Variants in CLVS1 observed in about 807,000 individuals in gnomAD.
CLVS1 encodes clavesin-1.
A neutral mutation model predicts 33.1 loss-of-function variants in CLVS1; 10 were observed. The ratio of observed to expected loss-of-function variants is 0.30; its 90% confidence interval spans 0.19 to 0.51. The LOEUF is 0.51. CLVS1 is among the 20% of genes least tolerant of loss of function. The pLI, the probability that CLVS1 is intolerant of heterozygous loss-of-function variation, is 0.97. For missense variants in CLVS1, 343 were observed against 433.4 expected (o/e 0.79, Z 1.85); for synonymous variants, 163 against 166.1 (o/e 0.98, Z 0.14).
intron 2 of CLVS1, among the ~76,000 whole-genome samples, chr8:61,323,565 C>T (rs968346552): frequency 5.9e-5 from 9 of 152,118 alleles, no homozygotes; most frequent in African/African-American, 1.7e-4. Context: ...CCTCAATTTT[C>T]GGTGTCAAGC....
chr8:61,381,176 G>A (rs1813863979), intron 3 of CLVS1, among the ~76,000 whole-genome samples: 1 of 150,686 alleles, frequency 6.6e-6, no homozygotes, highest in Admixed American at 6.6e-5. Context: ...TTCTGTTAAA[G>A]ATGTTTTTTA....
chr8:61,080,955 G>T (rs142383813), intron 1 of CLVS1, among the ~76,000 whole-genome samples: 33 of 152,296 alleles, frequency 2.2e-4, no homozygotes, highest in African/African-American at 7.9e-4. Context: ...AGCATTTTGG[G>T]TGGCGGAACT....
chr8:61,247,738 G>C (rs1467085800), intron 2 of CLVS1, among the ~76,000 whole-genome samples: 1 of 151,994 alleles, frequency 6.6e-6, no homozygotes, highest in South Asian at 2.1e-4. Flanking sequence ...CTCCCATTCT[G>C]TAGACTGTCT....
At chr8:61,178,033 A>G (rs533799430) in intron 2 of CLVS1, among the ~76,000 whole-genome samples, 1 of 152,294 alleles carries the variant, frequency 6.6e-6, no homozygotes, top group East Asian at 1.9e-4. Context: ...GAAGGTGGGT[A>G]ATAAAAAAAT....
chr8:61,112,805 T>A (rs898621621), intron 1 of CLVS1, among the ~76,000 whole-genome samples: 6 of 152,174 alleles, frequency 3.9e-5, no homozygotes, highest in African/African-American at 1.4e-4. Flanking sequence ...TTTCCTTTTT[T>A]TTTAGTCTGT....
rs556174706 is a variant in CLVS1, at chr8:61,207,418, A to G, written c.-152+75558A>G. The stretch of plus-strand genomic sequence containing the variant: ...AGGTGCATGGGCTCAAGTAAAGTGC[A>G]GAGGTGCCTGGGCTCAAGTGAAGTG... On this transcript the variant is annotated intron_variant, in intron 2 of 2. Transcript: ENST00000522621. 1.2e-4 allele frequency among the ~76,000 whole-genome samples: 5 copies of G among 42,362 alleles called. No homozygotes were observed. In the African/African-American group the frequency reaches 1.4e-3, roughly 12 times the overall value. 27.8% of individuals were successfully genotyped at this position (42,362 alleles called of 152,430 possible). A position where few individuals can be genotyped will look rare whatever the true frequency, so the allele number is the denominator to read the frequency against.
the CLVS1 span, among the ~76,000 whole-genome samples, chr8:60,977,008 T>G: frequency 6.6e-6 from 1 of 152,216 alleles, no homozygotes; most frequent in Non-Finnish European, 1.5e-5. Context: ...CTAGTTTCAC[T>G]CCTCCAAACC....
chr8:61,334,476 T>C lies in CLVS1; in HGVS notation c.455+34194T>C, dbSNP rs530312938. ...GAGCGATTCTTTGCAGTCAGCTGGT[T>C]CTTGGAACACAAAGGGCAAGGGATT... On this transcript the variant is annotated intron_variant, in intron 2 of 5. Coordinates refer to ENST00000325897, the MANE Select transcript of CLVS1 (RefSeq NM_173519.3). Among the ~76,000 whole-genome samples, 5 of 152,314 alleles carry C rather than the reference T, an allele frequency of 3.3e-5. No individual in the cohort carries two copies. In the South Asian group the frequency reaches 1.0e-3, roughly 32 times the overall value.
At chr8:61,418,826 G>A (rs568171434) in intron 3 of CLVS1, among the ~76,000 whole-genome samples, 2 of 152,298 alleles carry the variant, frequency 1.3e-5, no homozygotes, top group East Asian at 1.9e-4. Context: ...GATTGAACAC[G>A]AGTAAGTCAG....
chr8:61,296,002 A>T (rs1454087598), intron 1 of CLVS1, among the ~76,000 whole-genome samples: 1 of 152,204 alleles, frequency 6.6e-6, no homozygotes, highest in African/African-American at 2.4e-5. Flanking sequence ...GTATCCATTT[A>T]TAATTTGGAA....
At chr8:61,191,441 A>G (rs1166078029) in intron 2 of CLVS1, among the ~76,000 whole-genome samples, 2 of 152,234 alleles carry the variant, frequency 1.3e-5, no homozygotes, top group African/African-American at 4.8e-5. Context: ...AAAAACTGGA[A>G]GCATTCCCTT....
At chr8:61,114,460 C>A (rs1433533188) in intron 1 of CLVS1, among the ~76,000 whole-genome samples, 1 of 152,174 alleles carries the variant, frequency 6.6e-6, no homozygotes, top group Non-Finnish European at 1.5e-5. Context: ...TAATGAAAGA[C>A]CAGATTCCTA....
rs139694932 is a variant in CLVS1 at position 61,452,135 on chromosome 8, G to C, written c.631-2006G>C. Among the ~76,000 whole-genome samples the C allele has an allele frequency of 6.1e-4, 93 of 152,270 alleles. No homozygotes were observed. In the East Asian group the frequency reaches 0.011, roughly 18 times the overall value. On this transcript the variant is annotated intron_variant, in intron 3 of 5. Transcript: ENST00000325897. The stretch of plus-strand genomic sequence containing the variant: ...AGAGTAATTACAGAGTCTCAGCACT[G>C]TAATTTTTCTTTCAACCTCCCCTGA...
rs542022752 is a variant in CLVS1, at chr8:61,076,745, T to G, written c.-243+19515T>G. Among the ~76,000 whole-genome samples the G allele has an allele frequency of 5.3e-5, 8 of 152,314 alleles. No homozygotes were observed. The East Asian group carries it at 1.5e-3, about 29-fold the overall frequency. ...TGCCAACTGTTTGGGTGGCTATTTG[T>G]CAGGAGAACGAGTCATCTCTGCAGC... is the stretch of plus-strand genomic sequence containing the variant. On this transcript the variant is annotated intron_variant, in intron 1 of 2. Transcript: ENST00000522621.
At chr8:60,978,702 A>C in the CLVS1 span, among the ~76,000 whole-genome samples, 1 of 149,640 alleles carries the variant, frequency 6.7e-6, no homozygotes, top group East Asian at 2.0e-4. Context: ...GTAATGCCAG[A>C]TACTCAGGAG....
chr8:61,499,681 C>G lies in CLVS1; in HGVS notation c.*139C>G, dbSNP rs1394570661. Reference sequence around the variant, plus strand: ...CTCCACTCCTGAACCCCTGCAGTGACTGTCACCAGCCATCGGTCTGAGCAG... The same window carrying G: ...CTCCACTCCTGAACCCCTGCAGTGAGTGTCACCAGCCATCGGTCTGAGCAG... On this transcript the variant is annotated 3_prime_UTR_variant, in exon 6 of 6. Coordinates refer to ENST00000325897, the MANE Select transcript of CLVS1 (RefSeq NM_173519.3). 4 of 529,084 alleles carry G rather than the reference C, an allele frequency of 7.6e-6. No homozygotes were observed. The highest frequency in any genetic ancestry group is 1.9e-5 in the African/African-American group (1 of 53,236). The allele number at this position is 529,084 out of a possible 1,614,324, so 32.8% of individuals were successfully genotyped here. A position where few individuals can be genotyped will look rare whatever the true frequency, so the allele number is the denominator to read the frequency against.
chr8:61,263,379 T>A (rs3912536), intron 2 of CLVS1, among the ~76,000 whole-genome samples: 41,205 of 152,094 alleles, frequency 0.27, 8,055 homozygotes, highest in East Asian at 0.85. Flanking sequence ...TATAGTTTTG[T>A]ATTTACATAT....
intron 3 of CLVS1, among the ~76,000 whole-genome samples, chr8:61,384,422 T>C (rs1814003158): frequency 6.6e-6 from 1 of 152,156 alleles, no homozygotes; most frequent in Non-Finnish European, 1.5e-5. Flanking sequence ...TAAGAAATGA[T>C]AAGCATCTGA....
chr8:60,967,756 C>T, the CLVS1 span: 2 of 452,124 alleles, frequency 4.4e-6, no homozygotes, highest in East Asian at 7.0e-5. Context: ...CTGCCACCAC[C>T]GGCATCCCTT....
Sources: gnomAD v4.1 joint callset for allele counts (sites outside exome capture counted in the v4.1 genomes callset) on GRCh38, gnomAD v4.1.1 for gene constraint, MANE v1.5 for transcripts, NCBI Gene and HGNC (gene_info 2026-07-23, HGNC 2026-07-21) for gene names.